Variants in STIM1 observed in about 807,000 individuals in gnomAD.
STIM1 encodes the protein stromal interaction molecule 1.
Under a neutral mutation model 74.7 loss-of-function variants are expected in STIM1, and 25 were observed. The observed-to-expected ratio is 0.33, with a 90% CI of 0.24 to 0.47. The LOEUF is 0.47. Ranked by LOEUF, STIM1 falls within the 20% of genes least tolerant of loss-of-function variation. The pLI is 1.00. For synonymous variants in STIM1, 328 were observed against 348.8 expected, an observed-to-expected ratio of 0.94 and a Z score of 0.66; for missense variants, 728 against 920.8, an observed-to-expected ratio of 0.79 and a Z score of 2.71.
At chr11:4,058,819 T>A (rs117740092) in intron 4 of STIM1, 11,138 of 992,474 alleles carry the variant, frequency 0.011, 74 homozygotes, top group Middle Eastern at 0.016. Context: ...CAATAGCACA[T>A]TAGCAGGTTT....
chr11:4,057,887 G>T (rs906358932), intron 4 of STIM1, among the ~76,000 whole-genome samples: 3 of 147,564 alleles, frequency 2.0e-5, no homozygotes, highest in Non-Finnish European at 3.0e-5. Context: ...AAAAAAAAAA[G>T]AAAGTGACAC....
chr11:3,868,192 CAA>C (rs34825333), intron 1 of STIM1: 83,855 of 151,624 alleles, frequency 0.55, 23,522 homozygotes, highest in African/African-American at 0.65. Context: ...CTTTTGCTGA[CAA>C]GAGCAAAGGT....
chr11:4,008,109 G>T (rs1183319015), intron 2 of STIM1, among the ~76,000 whole-genome samples: 1 of 152,048 alleles, frequency 6.6e-6, no homozygotes, highest in Admixed American at 6.6e-5. Context: ...TATGCAATGT[G>T]GTTCCATAAG....
intron 1 of STIM1, among the ~76,000 whole-genome samples, chr11:3,939,680 C>G (rs893176215): frequency 6.6e-5 from 10 of 152,174 alleles, no homozygotes; most frequent in Admixed American, 6.5e-4. Context: ...CCAGATTACA[C>G]ACTAGATCAA....
intron 1 of STIM1, among the ~76,000 whole-genome samples, chr11:3,926,621 C>T (rs1005016447): frequency 2.6e-5 from 4 of 152,176 alleles, no homozygotes; most frequent in South Asian, 4.1e-4. Flanking sequence ...GTGGATAGTA[C>T]TGCCAGCAGC....
chr11:3,923,425 A>G (rs1459122495), intron 1 of STIM1, among the ~76,000 whole-genome samples: 1 of 152,056 alleles, frequency 6.6e-6, no homozygotes, highest in African/African-American at 2.4e-5. Context: ...CCTGGGCAAC[A>G]TGATGAAACT....
chr11:3,897,197 G>C (rs1055451453), intron 1 of STIM1, among the ~76,000 whole-genome samples: 1 of 152,156 alleles, frequency 6.6e-6, no homozygotes, highest in Admixed American at 6.5e-5. Flanking sequence ...AAGTTACTTT[G>C]TATCTTGTGG....
intron 3 of STIM1, among the ~76,000 whole-genome samples, chr11:4,047,296 A>G (rs2094200669): frequency 6.6e-6 from 1 of 152,128 alleles, no homozygotes; most frequent in Admixed American, 6.6e-5. Context: ...CCTGGGCAGC[A>G]TTGGGAGACC....
At chr11:3,917,032 T>C (rs560819485) in intron 1 of STIM1, among the ~76,000 whole-genome samples, 24 of 152,334 alleles carry the variant, frequency 1.6e-4, no homozygotes, top group African/African-American at 5.5e-4. Context: ...CTGATGTGCA[T>C]TTGATAGGTT....
intron 8 of STIM1, among the ~76,000 whole-genome samples, chr11:4,082,632 G>T (rs1475374131): frequency 2.6e-5 from 4 of 152,126 alleles, no homozygotes; most frequent in African/African-American, 9.7e-5. Context: ...GCTGCCATGG[G>T]GACAGAGGTC....
chr11:3,969,305 C>T (rs965652043), intron 2 of STIM1, among the ~76,000 whole-genome samples: 7 of 150,978 alleles, frequency 4.6e-5, no homozygotes, highest in South Asian at 2.1e-4. Flanking sequence ...GACAACACAG[C>T]GAGACCCTGT....
chr11:3,990,816 C>T (rs1488069120), intron 2 of STIM1, among the ~76,000 whole-genome samples: 1 of 151,720 alleles, frequency 6.6e-6, no homozygotes, highest in African/African-American at 2.4e-5. Flanking sequence ...AAAAAATTTC[C>T]ATCTTCATTT....
At chr11:3,917,642 C>G (rs1013596308) in intron 1 of STIM1, among the ~76,000 whole-genome samples, 2 of 152,048 alleles carry the variant, frequency 1.3e-5, no homozygotes, top group African/African-American at 2.4e-5. Context: ...GCCATGTTGC[C>G]CAGGCTGGTG....
intron 1 of STIM1, among the ~76,000 whole-genome samples, chr11:3,904,728 G>A (rs922133584): frequency 3.9e-5 from 6 of 152,042 alleles, no homozygotes; most frequent in Non-Finnish European, 8.8e-5. Flanking sequence ...GCAGTGTTAG[G>A]TGACTGGGCA....
intron 1 of STIM1, among the ~76,000 whole-genome samples, chr11:3,861,503 G>C (rs1031736011): frequency 6.6e-6 from 1 of 152,176 alleles, no homozygotes; most frequent in South Asian, 2.1e-4. Flanking sequence ...CAAAGTGTGG[G>C]ATTACAGGCG....
intron 5 of STIM1, among the ~76,000 whole-genome samples, chr11:4,069,036 T>C (rs1197032692): frequency 6.6e-6 from 1 of 152,158 alleles, no homozygotes; most frequent in African/African-American, 2.4e-5. Context: ...TCCCTCTTTC[T>C]CTGACTCCCA....
intron 1 of STIM1, among the ~76,000 whole-genome samples, chr11:3,858,883 T>A (rs904052218): frequency 6.6e-6 from 1 of 152,248 alleles, no homozygotes. Flanking sequence ...TGAAGAAACC[T>A]GGTCCTGTGC....
chr11:3,859,260 G>C (rs890059442), intron 1 of STIM1, among the ~76,000 whole-genome samples: 1 of 152,176 alleles, frequency 6.6e-6, no homozygotes, highest in African/African-American at 2.4e-5. Flanking sequence ...GTGAAGGCAG[G>C]TGCTCTACAA....
At chr11:3,996,492 A>G (rs1042945223) in intron 2 of STIM1, among the ~76,000 whole-genome samples, 23 of 152,216 alleles carry the variant, frequency 1.5e-4, no homozygotes, top group Admixed American at 6.5e-5. Context: ...AGCTGGGGGA[A>G]GGATCAGAAA....
Sources: gnomAD v4.1 joint callset for allele counts (sites outside exome capture counted in the v4.1 genomes callset) on GRCh38, gnomAD v4.1.1 for gene constraint, MANE v1.5 for transcripts, NCBI Gene and HGNC (gene_info 2026-07-23, HGNC 2026-07-21) for gene names.